The following NLN variants were observed in gnomAD, a reference collection of about 807,000 sequenced individuals.
The protein encoded by NLN is neurolysin.
In NLN, 64 loss-of-function variants were observed where a neutral mutation model predicts 79.9. The observed-to-expected ratio is 0.80, with a 90% CI of 0.65 to 0.99. The LOEUF (loss-of-function observed/expected upper bound fraction) is 0.99, where lower values mean the gene tolerates loss of function less well. Among genes scored for constraint, NLN ranks in the 50% least tolerant of loss-of-function variants. NLN has a pLI of 0.00. For missense variants in NLN, 835 were observed against 858.7 expected (o/e 0.97, Z 0.34); for synonymous variants, 267 against 296.6 (o/e 0.90, Z 1.02).
At chr5:65,729,077 C>T (rs1346454016) in intron 1 of NLN, among the ~76,000 whole-genome samples, 4 of 152,098 alleles carry the variant, frequency 2.6e-5, no homozygotes, top group Non-Finnish European at 5.9e-5. Context: ...TTCCTGGGCT[C>T]GAGTGATCTG....
At chr5:65,748,473 A>G (rs1207496892) in intron 1 of NLN, among the ~76,000 whole-genome samples, 1 of 151,894 alleles carries the variant, frequency 6.6e-6, no homozygotes, top group Non-Finnish European at 1.5e-5. Context: ...TAAGGAAGTG[A>G]TGTTGGCTGG....
chr5:65,760,585 T>G (rs764965894), intron 2 of NLN, among the ~76,000 whole-genome samples: 3 of 152,236 alleles, frequency 2.0e-5, no homozygotes, highest in Non-Finnish European at 2.9e-5. Context: ...CAATCCTAGC[T>G]CACTGCAGCC....
At chr5:65,764,785 C>T (rs954671536) in intron 3 of NLN, among the ~76,000 whole-genome samples, 3 of 152,176 alleles carry the variant, frequency 2.0e-5, no homozygotes, top group Non-Finnish European at 4.4e-5. Flanking sequence ...GCTTCTACAA[C>T]ATTTGCTAAC....
At chr5:65,753,880 T>C (rs906793290) in intron 1 of NLN, among the ~76,000 whole-genome samples, 1 of 152,180 alleles carries the variant, frequency 6.6e-6, no homozygotes, top group Non-Finnish European at 1.5e-5. Flanking sequence ...CATGACTGAC[T>C]CTTTCTTAGT....
At chr5:65,801,419 G>C (rs968108213) in intron 9 of NLN, among the ~76,000 whole-genome samples, 3 of 152,174 alleles carry the variant, frequency 2.0e-5, no homozygotes, top group Non-Finnish European at 4.4e-5. Context: ...TCTTACCCAT[G>C]GTTTCTGTGT....
intron 1 of NLN, among the ~76,000 whole-genome samples, chr5:65,747,005 G>GAAA (rs1029025334): frequency 3.0e-5 from 3 of 101,582 alleles, no homozygotes; most frequent in East Asian, 2.9e-4. Flanking sequence ...TTCTGTCTCA[G>GAAA]AAAAAAAAAA....
At chr5:65,812,412 T>A in intron 12 of NLN, 21 bp downstream of exon 12, 1 of 1,458,196 alleles carries the variant, frequency 6.9e-7, no homozygotes, top group Non-Finnish European at 9.5e-7. Flanking sequence ...ATTTTTCTCC[T>A]TTTATTAATT....
intron 1 of NLN, among the ~76,000 whole-genome samples, chr5:65,741,225 T>TACTC (rs999258466): frequency 1.3e-5 from 2 of 152,162 alleles, no homozygotes; most frequent in Non-Finnish European, 2.9e-5. Context: ...TTATTCTTTT[T>TACTC]ACTCAAAATT....
intron 9 of NLN, among the ~76,000 whole-genome samples, chr5:65,802,028 AT>A (rs1038448457): frequency 1.3e-5 from 2 of 152,176 alleles, no homozygotes; most frequent in African/African-American, 4.8e-5. Context: ...GTTAGTACCT[AT>A]TTAAAAACCA....
At chr5:65,776,066 A>G (rs942138342) in intron 3 of NLN, among the ~76,000 whole-genome samples, 1 of 152,154 alleles carries the variant, frequency 6.6e-6, no homozygotes, top group African/African-American at 2.4e-5. Context: ...CATCCTGGCC[A>G]ACATGGCAAA....
rs1054328330 is a variant in NLN, at chr5:65,785,780, C to G, written c.828C>G (p.Asn276Lys). 2.5e-6 allele frequency: 4 copies of G among 1,613,054 alleles called. No homozygotes were observed. The highest frequency in any genetic ancestry group is 3.4e-6 in the Non-Finnish European group (4 of 1,179,406). The change falls in exon 7 of 13, where the codon AAC (asparagine) becomes AAG (lysine). Residue 276 changes from asparagine (N) to lysine (K), a missense_variant. Coordinates refer to ENST00000380985, the MANE Select transcript of NLN (RefSeq NM_020726.5). The part of the protein sequence containing the change: ...MAFNTRCKEE[N>K]TIILQQLLPL... ...TTGCTGTTGTTTATTACTAGGAAAA[C>G]ACCATAATTTTGCAGCAGCTACTCC...
At chr5:65,811,314 C>T (rs976889475) in intron 11 of NLN, among the ~76,000 whole-genome samples, 4 of 151,994 alleles carry the variant, frequency 2.6e-5, no homozygotes, top group Non-Finnish European at 4.4e-5. Flanking sequence ...GCCTTTGTGT[C>T]GCAATTACAT....
At chr5:65,779,362 T>C (rs1759748906) in intron 4 of NLN, among the ~76,000 whole-genome samples, 1 of 146,958 alleles carries the variant, frequency 6.8e-6, no homozygotes, top group African/African-American at 2.5e-5. Flanking sequence ...AAATTGTATC[T>C]TTTTTTTTTT....
Position 65,747,436 on chromosome 5 carries a change from A to C in NLN, c.42-11131A>C, listed in dbSNP as rs572191058. On this transcript the variant is annotated intron_variant, in intron 1 of 12. Transcript: ENST00000380985. ...ATGAGAATAGAGAAGGTAGCTGGTT[A>C]AAATGGTCCTGAGCAGAGGTTTTTA... Among the ~76,000 whole-genome samples the C allele has an allele frequency of 1.3e-3, 194 of 152,322 alleles. 1 individual carries two copies. Among genetic ancestry groups the C allele is most frequent in the African/African-American group, 4.0e-3 (168 of 41,566 alleles).
chr5:65,773,127 A>ATTTTTT (rs757202934), intron 3 of NLN, among the ~76,000 whole-genome samples: 10 of 96,582 alleles, frequency 1.0e-4, no homozygotes, highest in African/African-American at 2.5e-4. Flanking sequence ...CCTGAATTCT[A>ATTTTTT]TTTTTTTTTT....
intron 9 of NLN, among the ~76,000 whole-genome samples, chr5:65,807,080 G>A (rs1395356723): frequency 1.3e-5 from 2 of 151,834 alleles, no homozygotes; most frequent in African/African-American, 4.8e-5. Flanking sequence ...GGGAAGGTAA[G>A]GCGGGAGGAT....
At chr5:65,759,466 T>A (rs1019861365) in intron 2 of NLN, among the ~76,000 whole-genome samples, 1 of 151,518 alleles carries the variant, frequency 6.6e-6, no homozygotes, top group African/African-American at 2.4e-5. Context: ...AGAGAGAGAT[T>A]GATTGATAGA....
chr5:65,737,881 G>A (rs551298570), intron 1 of NLN, among the ~76,000 whole-genome samples: 32 of 152,160 alleles, frequency 2.1e-4, no homozygotes, highest in South Asian at 8.3e-4. Context: ...TTGTAATCCC[G>A]GCACTTTGGG....
rs878973411 is a variant in NLN at position 65,792,989 on chromosome 5, A to G, written c.1527+334A>G. ...AAATTTCTCAGAAAAACTGTGCTGT[A>G]ATCTGTCTCTTCTGCTTATCAATGC... is the stretch of plus-strand genomic sequence containing the variant. On this transcript the variant is annotated intron_variant, in intron 9 of 12. Transcript: ENST00000380985. 1.3e-5 allele frequency: 5 copies of G among 383,926 alleles called. No homozygotes were observed. The Admixed American group carries it at 1.8e-4, about 14-fold the overall frequency. 23.8% of individuals were successfully genotyped at this position (383,926 alleles called of 1,614,324 possible). A position where few individuals can be genotyped will look rare whatever the true frequency, so the allele number is the denominator to read the frequency against.
Sources: allele counts gnomAD v4.1 joint callset (sites outside exome capture counted in the v4.1 genomes callset), GRCh38; gene constraint gnomAD v4.1.1; transcripts MANE v1.5; gene names NCBI Gene and HGNC (gene_info 2026-07-23, HGNC 2026-07-21).